Variants in C2orf69 observed in about 807,000 individuals in gnomAD.
The protein encoded by C2orf69 is chromosome 2 open reading frame 69, also known as mitochondrial protein C2orf69.
C2orf69 carries 19 observed loss-of-function variants against 29.5 expected under a neutral mutation model. That is an observed-to-expected ratio of 0.65 (90% CI 0.45 to 0.95). The LOEUF is 0.95. Ranked by LOEUF, C2orf69 falls within the 40% of genes least tolerant of loss-of-function variation. The pLI is 0.00. For missense variants in C2orf69, 416 were observed against 482.1 expected, an observed-to-expected ratio of 0.86 and a Z score of 1.28; for synonymous variants, 194 against 180.0, an observed-to-expected ratio of 1.08 and a Z score of -0.62.
At chr2:199,912,680 G>A (rs2077270190) in intron 1 of C2orf69, among the ~76,000 whole-genome samples, 1 of 151,964 alleles carries the variant, frequency 6.6e-6, no homozygotes. Flanking sequence ...TTGCTTAGTT[G>A]CCCAGGCTGG....
In C2orf69 at chr2:199,911,397, C is replaced by T; in HGVS notation, c.-42C>T. 1 of 1,435,240 alleles carries T rather than the reference C, an allele frequency of 7.0e-7. No individual in the cohort carries two copies. Among genetic ancestry groups the T allele is most frequent in the Non-Finnish European group, 9.1e-7 (1 of 1,098,326 alleles). 88.9% of individuals were successfully genotyped at this position (1,435,240 alleles called of 1,614,324 possible). On this transcript the variant is annotated 5_prime_UTR_variant, in exon 1 of 2. Transcript: ENST00000319974. ...TGAAGTCCCTCCCTCAGGAACCCCT[C>T]CGCCACCCTCCACCTCCGAACCGCT...
intron 1 of C2orf69, among the ~76,000 whole-genome samples, chr2:199,913,229 T>A (rs1439616754): frequency 7.1e-5 from 3 of 42,046 alleles, no homozygotes; most frequent in South Asian, 8.9e-4. Context: ...ATAATATATA[T>A]TATAATATAT....
chr2:199,922,886 T>G (rs775245907), intron 1 of C2orf69, among the ~76,000 whole-genome samples: 8 of 152,220 alleles, frequency 5.3e-5, no homozygotes, highest in African/African-American at 9.6e-5. Context: ...TGGCTCCAGA[T>G]CCTTTCAGAG....
Position 199,911,384 on chromosome 2 carries a change from C to T in C2orf69, c.-55C>T, listed in dbSNP as rs1037791612. On this transcript the variant is annotated 5_prime_UTR_variant, in exon 1 of 2. Coordinates refer to ENST00000319974, the MANE Select transcript of C2orf69 (RefSeq NM_153689.6). Reference sequence around the variant, plus strand: ...CTGAGCCGCCTGCTGAAGTCCCTCCCTCAGGAACCCCTCCGCCACCCTCCA... The same window carrying T: ...CTGAGCCGCCTGCTGAAGTCCCTCCTTCAGGAACCCCTCCGCCACCCTCCA... The T allele has an allele frequency of 7.8e-6, 11 of 1,417,334 alleles. No homozygotes were observed. The highest frequency in any genetic ancestry group is 3.1e-5 in the Admixed American group (1 of 32,160). 87.8% of individuals were successfully genotyped at this position (1,417,334 alleles called of 1,614,324 possible). A position where few individuals can be genotyped will look rare whatever the true frequency, so the allele number is the denominator to read the frequency against.
Position 199,911,552 on chromosome 2 carries a change from C to T in C2orf69, c.114C>T (p.Ser38=), listed in dbSNP as rs565435469. 2.4e-4 allele frequency: 378 copies of T among 1,549,690 alleles called. No individual in the cohort carries two copies. Among genetic ancestry groups the T allele is most frequent in the Non-Finnish European group, 3.2e-4 (367 of 1,146,696 alleles). Residue 38 remains serine, a synonymous_variant, in exon 1 of 2, where the codon AGC becomes AGT. Coordinates refer to ENST00000319974, the MANE Select transcript of C2orf69 (RefSeq NM_153689.6). ...CCAGAACCATGAACCCGGGCGGCAG[C>T]GGCGGCGCGCGATGCTCCCTCTCGG... ...SQARTMNPGG[S]GGARCSLSAE...
intron 1 of C2orf69, among the ~76,000 whole-genome samples, chr2:199,915,176 T>G (rs902919311): frequency 1.5e-4 from 23 of 152,234 alleles, no homozygotes; most frequent in African/African-American, 5.1e-4. Flanking sequence ...ACTTGATTCT[T>G]TTGAGCCTAA....
At chr2:199,922,973 C>G (rs1038603726) in intron 1 of C2orf69, among the ~76,000 whole-genome samples, 16 of 152,174 alleles carry the variant, frequency 1.1e-4, no homozygotes, top group Non-Finnish European at 1.8e-4. Context: ...CTCTCTGCCC[C>G]CCTTTGTGAT....
rs1396168335 is a variant in C2orf69, at chr2:199,921,009, T to TG, written c.334-4053_334-4052insG. Among the ~76,000 whole-genome samples, 306 of 128,534 alleles carry TG rather than the reference T, an allele frequency of 2.4e-3. 3 individuals are homozygous for TG. The highest frequency in any genetic ancestry group is 8.6e-3 in the African/African-American group (296 of 34,494). The allele number at this position is 128,534 out of a possible 152,430, so 84.3% of individuals were successfully genotyped here. A position where few individuals can be genotyped will look rare whatever the true frequency, so the allele number is the denominator to read the frequency against. On this transcript the variant is annotated intron_variant, in intron 1 of 1. Coordinates refer to ENST00000319974, the MANE Select transcript of C2orf69 (RefSeq NM_153689.6). ...TGGCCTTCTAGGAATTAGTTTTTTT[T>TG]TTTTTTTTTTTTTTTGAGGTGGAGT...
intron 1 of C2orf69, among the ~76,000 whole-genome samples, chr2:199,915,425 G>A (rs2077289262): frequency 6.6e-6 from 1 of 151,596 alleles, no homozygotes; most frequent in Non-Finnish European, 1.5e-5. Context: ...TCTTGTTATA[G>A]CTTTATTCTT....
chr2:199,917,973 A>C (rs1456122755), intron 1 of C2orf69, among the ~76,000 whole-genome samples: 1 of 152,218 alleles, frequency 6.6e-6, no homozygotes, highest in Non-Finnish European at 1.5e-5. Flanking sequence ...GGAAGCAAAC[A>C]TGCCCTTCTT....
chr2:199,925,536 T>A lies in C2orf69; in HGVS notation c.808T>A (p.Leu270Met), dbSNP rs754758602. 1.2e-6 allele frequency: 2 copies of A among 1,613,898 alleles called. No homozygotes were observed. The highest frequency in any genetic ancestry group is 8.5e-7 in the Non-Finnish European group (1 of 1,179,846). The change falls in exon 2 of 2, where the codon TTG becomes ATG. Residue 270 changes from leucine (L) to methionine (M), a missense_variant. Coordinates refer to ENST00000319974, the MANE Select transcript of C2orf69 (RefSeq NM_153689.6). The surrounding 1 kb of genome is among the most constrained non-coding windows in gnomAD (Gnocchi z 4.9). ...LIGFSKGCVV[L>M]NQLLFELKEA... ...TGGATTCAGTAAAGGTTGTGTTGTT[T>A]TGAATCAGTTGCTTTTTGAATTGAA...
chr2:199,925,195 A>T lies in C2orf69; in HGVS notation c.467A>T (p.His156Leu). 1 of 1,612,738 alleles carries T rather than the reference A, an allele frequency of 6.2e-7. No homozygotes were observed. Among genetic ancestry groups the T allele is most frequent in the Non-Finnish European group, 8.5e-7 (1 of 1,179,800 alleles). ...TGGGTGATAAAATGTTCCCGAATGCATTTGCACAAATTCAGCTGCTATGAC... is the reference window on the plus strand; with the variant it reads ...TGGGTGATAAAATGTTCCCGAATGCTTTTGCACAAATTCAGCTGCTATGAC... Reference protein sequence around the residue: ...YIWVIKCSRMHLHKFSCYDNF... With the variant: ...YIWVIKCSRMLLHKFSCYDNF... Residue 156 changes from histidine (H) to leucine (L), a missense_variant, in exon 2 of 2, where the codon CAT (histidine) becomes CTT (leucine). His to Leu is a moderately conservative substitution (Grantham distance 99). This residue lies in a region of C2orf69 where 225 missense variants were observed against 307.3 expected (regional missense o/e 0.73). Transcript: ENST00000319974. The surrounding 1 kb of genome is among the most constrained non-coding windows in gnomAD (Gnocchi z 4.9).
chr2:199,926,155 A>G lies in C2orf69; in HGVS notation c.*269A>G. ...AATGCTGAGGAGATATAAGACCCTT[A>G]AAATGAAAGTTACAACATTGTTCTT... On this transcript the variant is annotated 3_prime_UTR_variant, in exon 2 of 2. Coordinates refer to ENST00000319974, the MANE Select transcript of C2orf69 (RefSeq NM_153689.6). 6.2e-6 allele frequency: 2 copies of G among 322,862 alleles called. No homozygotes were observed. The highest frequency in any genetic ancestry group is 9.2e-4 in the Middle Eastern group (1 of 1,088). The allele number at this position is 322,862 out of a possible 1,614,324, so 20.0% of individuals were successfully genotyped here.
chr2:199,914,364 C>T lies in C2orf69; in HGVS notation c.333+2593C>T, dbSNP rs552105743. ...ATCTTTACCCCTATGCAGTCTTCCT[C>T]ATGTCATTAATGGAAACTTTACCTT... On this transcript the variant is annotated intron_variant, in intron 1 of 1. Coordinates refer to ENST00000319974, the MANE Select transcript of C2orf69 (RefSeq NM_153689.6). 6.6e-5 allele frequency among the ~76,000 whole-genome samples: 10 copies of T among 152,296 alleles called. No individual in the cohort carries two copies. In the South Asian group the frequency reaches 1.9e-3, roughly 28 times the overall value.
chr2:199,923,282 C>T (rs1475666044), intron 1 of C2orf69, among the ~76,000 whole-genome samples: 1 of 152,116 alleles, frequency 6.6e-6, no homozygotes, highest in Non-Finnish European at 1.5e-5. Context: ...TGAAATGTTT[C>T]CAAGCTATAA....
intron 1 of C2orf69, among the ~76,000 whole-genome samples, chr2:199,914,709 T>C (rs566277909): frequency 6.9e-4 from 105 of 152,314 alleles, no homozygotes; most frequent in African/African-American, 2.4e-3. Context: ...TCTGGCTTTC[T>C]TGGTGTTGCT....
chr2:199,919,500 G>T (rs761939246), intron 1 of C2orf69, among the ~76,000 whole-genome samples: 39 of 152,272 alleles, frequency 2.6e-4, no homozygotes, highest in East Asian at 1.9e-4. Flanking sequence ...GGTCATTCTA[G>T]CCTGCTTACT....
chr2:199,921,405 C>T (rs1238163219), intron 1 of C2orf69, among the ~76,000 whole-genome samples: 1 of 151,978 alleles, frequency 6.6e-6, no homozygotes, highest in Non-Finnish European at 1.5e-5. Context: ...TATCACAGGA[C>T]ATGAACAGAA....
chr2:199,916,610 C>G (rs922980034), intron 1 of C2orf69, among the ~76,000 whole-genome samples: 1 of 152,196 alleles, frequency 6.6e-6, no homozygotes, highest in Non-Finnish European at 1.5e-5. Flanking sequence ...TAAATACAGC[C>G]ATTCCAAATG....
Sources: allele counts gnomAD v4.1 joint callset (sites outside exome capture counted in the v4.1 genomes callset), GRCh38; gene constraint gnomAD v4.1.1; regional missense constraint gnomAD v4.1.1; non-coding constraint Gnocchi (gnomAD v3.1); transcripts MANE v1.5; gene names NCBI Gene and HGNC (gene_info 2026-07-23, HGNC 2026-07-21).